Variants in ARPP21 observed in about 807,000 individuals in gnomAD.
ARPP21 encodes cAMP regulated phosphoprotein 21, also known as cAMP-regulated phosphoprotein 21.
A neutral mutation model predicts 113.2 loss-of-function variants in ARPP21; 69 were observed. The observed-to-expected ratio is 0.61, with a 90% CI of 0.50 to 0.74. ARPP21 has a LOEUF of 0.74. Among genes scored for constraint, ARPP21 ranks in the 30% least tolerant of loss-of-function variants. ARPP21 has a pLI of 0.00. For missense variants in ARPP21, 1,070 were observed against 1,037.4 expected (o/e 1.03, Z -0.43); for synonymous variants, 368 against 375.5 (o/e 0.98, Z 0.23).
intron 1 of ARPP21, among the ~76,000 whole-genome samples, chr3:35,660,657 C>T (rs1707321186): frequency 6.6e-6 from 1 of 152,130 alleles, no homozygotes; most frequent in Non-Finnish European, 1.5e-5. Flanking sequence ...ACTTCATTCT[C>T]AAAGTTCACT....
intron 18 of ARPP21, among the ~76,000 whole-genome samples, chr3:35,743,136 A>G (rs1657190796): frequency 1.3e-5 from 2 of 152,220 alleles, no homozygotes; most frequent in African/African-American, 4.8e-5. Context: ...ATAGACTACC[A>G]TATTTCATGA....
intron 1 of ARPP21, among the ~76,000 whole-genome samples, chr3:35,668,532 C>T (rs191969755): frequency 1.2e-4 from 19 of 152,206 alleles, no homozygotes; most frequent in African/African-American, 4.6e-4. Context: ...AGCTAGTGCT[C>T]CCAAAACTGA....
intron 16 of ARPP21, 55 bp from the exon 17 acceptor site, chr3:35,738,159 G>C (rs1156909885): frequency 1.7e-6 from 2 of 1,156,860 alleles, no homozygotes; most frequent in African/African-American, 1.5e-5. Context: ...TGCATCTTGT[G>C]AGATTTCAAC....
In ARPP21 at chr3:35,748,299, GAAGAAAGA is replaced by G. The variant is rs200766932; in HGVS notation, c.2137+4349_2137+4356del. 6.0e-3 allele frequency among the ~76,000 whole-genome samples: 702 copies of G among 116,974 alleles called. 13 individuals carry two copies. Among genetic ancestry groups the G allele is most frequent in the East Asian group, 0.059 (240 of 4,088 alleles). 76.7% of individuals were successfully genotyped at this position (116,974 alleles called of 152,430 possible). A position where few individuals can be genotyped will look rare whatever the true frequency, so the allele number is the denominator to read the frequency against. On this transcript the variant is annotated intron_variant, in intron 19 of 20. Coordinates refer to ENST00000684406, the MANE Select transcript of ARPP21 (RefSeq NM_001385562.1). ...GAAAGAAAAGGAGGAAGGAAGGAAG[GAAGAAAGA>G]AAGAAAGAAAGAAAAAGAAAGAAAG...
chr3:35,750,652 G>A (rs1180996498), intron 19 of ARPP21, among the ~76,000 whole-genome samples: 2 of 152,070 alleles, frequency 1.3e-5, no homozygotes, highest in Non-Finnish European at 2.9e-5. Context: ...ATCAGTTGCT[G>A]AGAGGTGGAT....
In ARPP21 at chr3:35,715,492, C is replaced by G; in HGVS notation, c.935+16C>G. 6.2e-7 allele frequency: 1 copy of G among 1,603,664 alleles called. No homozygotes were observed. Among genetic ancestry groups the G allele is most frequent in the East Asian group, 2.2e-5 (1 of 44,762 alleles). On this transcript the variant is annotated intron_variant, in intron 12 of 20. Transcript: ENST00000684406. ...TGGAAAACAGGTAAAATAAAATTTA[C>G]TTTTCCATGTCTTTAGAGGAACAAC... is the stretch of plus-strand genomic sequence containing the variant.
intron 20 of ARPP21, 96 bp from the exon 21 acceptor site, chr3:35,793,605 C>A: frequency 1.2e-6 from 1 of 845,816 alleles, no homozygotes; most frequent in Non-Finnish European, 2.0e-6. Flanking sequence ...TTAGGTCTAA[C>A]TCAAAAGTTT....
chr3:35,770,462 G>A (rs1427905051), intron 19 of ARPP21, among the ~76,000 whole-genome samples: 1 of 152,198 alleles, frequency 6.6e-6, no homozygotes, highest in African/African-American at 2.4e-5. Flanking sequence ...TCTGGAAACT[G>A]AGCATTCTAG....
intron 1 of ARPP21, among the ~76,000 whole-genome samples, chr3:35,665,289 T>G (rs2074048339): frequency 6.6e-6 from 1 of 150,792 alleles, no homozygotes; most frequent in African/African-American, 2.4e-5. Context: ...GGCCTAAGCT[T>G]TTTTTTTTAA....
At chr3:35,679,572 G>T (rs757687460) in intron 1 of ARPP21, 7 of 151,206 alleles carry the variant, frequency 4.6e-5, no homozygotes, top group Non-Finnish European at 7.4e-5. Context: ...GTTAATTTTA[G>T]CTCCTTGCGT....
In ARPP21 at chr3:35,721,823, T is replaced by C. The variant is rs757892529; in HGVS notation, c.1214T>C (p.Leu405Pro). Residue 405 changes from leucine (L) to proline (P), a missense_variant, in exon 14 of 21, where the codon CTG becomes CCG. By Grantham distance (98) the Leu-to-Pro change is moderately conservative. Coordinates refer to ENST00000684406, the MANE Select transcript of ARPP21 (RefSeq NM_001385562.1). The part of the protein sequence containing the change: ...STSSTRSTGK[L>P]SKAGSESSSS... ...TCCAGTACTAGGAGTACCGGGAAGC[T>C]GTCCAAAGCAGGTAGTTAGTACTGA... 1.2e-6 allele frequency: 2 copies of C among 1,604,696 alleles called. No individual in the cohort carries two copies. The highest frequency in any genetic ancestry group is 4.5e-5 in the East Asian group (2 of 44,662).
At chr3:35,680,722 CCTT>C (rs113710044) in intron 2 of ARPP21, 6,876 of 151,924 alleles carry the variant, frequency 0.045, 223 homozygotes, top group African/African-American at 0.085. Flanking sequence ...TTCTCCTTCT[CCTT>C]CTTCTTTCTT....
At chr3:35,642,134 G>A (rs1164549455) in intron 1 of ARPP21, 1 of 152,160 alleles carries the variant, frequency 6.6e-6, no homozygotes, top group Non-Finnish European at 1.5e-5. Context: ...GTCCTTTGCA[G>A]TATTTAGCTC....
chr3:35,752,515 T>C (rs1426866586), intron 19 of ARPP21, among the ~76,000 whole-genome samples: 1 of 152,062 alleles, frequency 6.6e-6, no homozygotes. Flanking sequence ...AAATCAACTC[T>C]AAGCCTCTGA....
At chr3:35,657,738 G>A (rs902944608) in intron 1 of ARPP21, among the ~76,000 whole-genome samples, 1 of 152,052 alleles carries the variant, frequency 6.6e-6, no homozygotes, top group Non-Finnish European at 1.5e-5. Context: ...GGCAGCTGTG[G>A]GTTGAGGTTC....
At chr3:35,662,753 G>A (rs2149174682) in intron 1 of ARPP21, among the ~76,000 whole-genome samples, 1 of 152,280 alleles carries the variant, frequency 6.6e-6, no homozygotes, top group Admixed American at 6.5e-5. Flanking sequence ...AGTTCAACAA[G>A]AGGCAACAAG....
intron 5 of ARPP21, chr3:35,685,139 C>G (rs2080169677): frequency 2.0e-6 from 2 of 985,254 alleles, no homozygotes; most frequent in African/African-American, 1.7e-5. Context: ...AGAAGGACAG[C>G]CTTTATAGAC....
At chr3:35,757,315 G>C (rs1212247883) in intron 19 of ARPP21, among the ~76,000 whole-genome samples, 1 of 151,840 alleles carries the variant, frequency 6.6e-6, no homozygotes, top group Non-Finnish European at 1.5e-5. Context: ...CTTCCACCTT[G>C]GTCTGCCAGA....
chr3:35,767,720 A>C (rs1470706504), intron 19 of ARPP21, among the ~76,000 whole-genome samples: 1 of 152,130 alleles, frequency 6.6e-6, no homozygotes, highest in Non-Finnish European at 1.5e-5. Context: ...CAGCTCTGTC[A>C]GTTTGCAATG....
Sources: allele counts gnomAD v4.1 joint callset (sites outside exome capture counted in the v4.1 genomes callset), GRCh38; gene constraint gnomAD v4.1.1; transcripts MANE v1.5; gene names NCBI Gene and HGNC (gene_info 2026-07-23, HGNC 2026-07-21).